Variants in CNTN5 observed in about 807,000 individuals in gnomAD.
CNTN5 encodes the protein contactin-5.
A neutral mutation model predicts 129.1 loss-of-function variants in CNTN5; 77 were observed. That is an observed-to-expected ratio of 0.60 (90% CI 0.50 to 0.72). The LOEUF is 0.72. Ranked by LOEUF, CNTN5 falls within the 30% of genes least tolerant of loss-of-function variation. The pLI, the probability that CNTN5 is intolerant of heterozygous loss-of-function variation, is 0.00. For synonymous variants in CNTN5, 509 were observed against 465.6 expected, an observed-to-expected ratio of 1.09 and a Z score of -1.20; for missense variants, 1,478 against 1,328.8, an observed-to-expected ratio of 1.11 and a Z score of -1.75.
At chr11:99,839,141 GA>G (rs1247381476) in intron 4 of CNTN5, among the ~76,000 whole-genome samples, 6 of 152,084 alleles carry the variant, frequency 3.9e-5, no homozygotes, top group Non-Finnish European at 7.4e-5. Context: ...AAGGAGGCAT[GA>G]AAAGGTTACT....
chr11:99,609,323 G>T (rs994197430), intron 3 of CNTN5, among the ~76,000 whole-genome samples: 1 of 152,102 alleles, frequency 6.6e-6, no homozygotes, highest in Non-Finnish European at 1.5e-5. Flanking sequence ...AGGATACACA[G>T]ACCCCAAAAG....
chr11:99,201,155 G>C (rs1191174177), intron 1 of CNTN5, among the ~76,000 whole-genome samples: 9 of 150,338 alleles, frequency 6.0e-5, no homozygotes, highest in Non-Finnish European at 1.2e-4. Flanking sequence ...CTCCTGAGTA[G>C]CTGGGACTAC....
intron 3 of CNTN5, among the ~76,000 whole-genome samples, chr11:99,585,005 T>G (rs1281826717): frequency 2.6e-5 from 4 of 152,210 alleles, no homozygotes; most frequent in Non-Finnish European, 5.9e-5. Flanking sequence ...GTATCCAACT[T>G]CATGAGCTAG....
At chr11:100,098,187 C>T (rs1275866303) in intron 13 of CNTN5, among the ~76,000 whole-genome samples, 2 of 151,936 alleles carry the variant, frequency 1.3e-5, no homozygotes, top group Non-Finnish European at 2.9e-5. Flanking sequence ...GACATCTCAA[C>T]ATGAATTATA....
At chr11:99,572,779 T>C (rs1949217342) in intron 3 of CNTN5, among the ~76,000 whole-genome samples, 1 of 151,882 alleles carries the variant, frequency 6.6e-6, no homozygotes, top group Non-Finnish European at 1.5e-5. Flanking sequence ...AAAAAATAGA[T>C]TATCAAATGA....
At position 99,648,493 on chromosome 11, in the gene CNTN5, A is replaced by G. The variant is rs1396165566; in HGVS notation, c.55+92224A>G. Among the ~76,000 whole-genome samples the G allele has an allele frequency of 2.0e-5, 3 of 151,918 alleles. No homozygotes were observed. In the East Asian group the frequency reaches 5.8e-4, roughly 29 times the overall value. ...AGGAATGTAAACCAGTGCAGTCACTATGGAGAACAGTATGGAGGTTCCTTA... is the reference window on the plus strand; with the variant it reads ...AGGAATGTAAACCAGTGCAGTCACTGTGGAGAACAGTATGGAGGTTCCTTA... On this transcript the variant is annotated intron_variant, in intron 3 of 24. Coordinates refer to ENST00000524871, the MANE Select transcript of CNTN5 (RefSeq NM_014361.4).
chr11:99,860,658 G>C (rs754181409), intron 6 of CNTN5, among the ~76,000 whole-genome samples: 2 of 151,998 alleles, frequency 1.3e-5, no homozygotes, highest in African/African-American at 4.8e-5. Flanking sequence ...CTGTTCCATT[G>C]GTCTGATTTT....
chr11:99,974,506 G>A (rs1052527085), intron 8 of CNTN5, among the ~76,000 whole-genome samples: 4 of 152,130 alleles, frequency 2.6e-5, no homozygotes, highest in Non-Finnish European at 4.4e-5. Flanking sequence ...GATCCTTACA[G>A]AAGTAATCAG....
chr11:99,155,249 CTT>C (rs1860275992), intron 1 of CNTN5, among the ~76,000 whole-genome samples: 1 of 152,194 alleles, frequency 6.6e-6, no homozygotes, highest in Non-Finnish European at 1.5e-5. Context: ...AATGCCTTCT[CTT>C]TGAAGATTTG....
chr11:99,352,608 T>TAAAACCC (rs1223262633), intron 2 of CNTN5, among the ~76,000 whole-genome samples: 2 of 152,192 alleles, frequency 1.3e-5, no homozygotes, highest in African/African-American at 4.8e-5. Flanking sequence ...ACTTGCCAAG[T>TAAAACCC]AAAACCCAGT....
chr11:100,158,553 A>C (rs537438358), intron 13 of CNTN5, among the ~76,000 whole-genome samples: 2 of 151,992 alleles, frequency 1.3e-5, no homozygotes, highest in East Asian at 3.9e-4. Context: ...TATCCTGACC[A>C]AGCTTTCCAT....
rs1260413972 is a variant in CNTN5, at chr11:99,750,349, T to C, written c.56-69195T>C. ...TTTGGAAAGAGAATTTCAGTGATTATAGTCTTATACCTCAACTACTAATTC... is the reference window on the plus strand; with the variant it reads ...TTTGGAAAGAGAATTTCAGTGATTACAGTCTTATACCTCAACTACTAATTC... On this transcript the variant is annotated intron_variant, in intron 3 of 24. Coordinates refer to ENST00000524871, the MANE Select transcript of CNTN5 (RefSeq NM_014361.4). Among the ~76,000 whole-genome samples the C allele has an allele frequency of 3.3e-5, 5 of 152,172 alleles. No individual in the cohort carries two copies. The East Asian group carries it at 9.6e-4, about 29-fold the overall frequency.
chr11:99,772,052 C>T (rs1272890103), intron 3 of CNTN5, among the ~76,000 whole-genome samples: 3 of 134,120 alleles, frequency 2.2e-5, no homozygotes, highest in Non-Finnish European at 4.6e-5. Flanking sequence ...GACAACTGAA[C>T]CTTAGAAACT....
chr11:99,966,717 C>T (rs561491821), intron 8 of CNTN5, among the ~76,000 whole-genome samples: 89 of 152,188 alleles, frequency 5.8e-4, no homozygotes, highest in Middle Eastern at 3.4e-3. Context: ...TGGTAGTGAG[C>T]GTAGATCATT....
intron 1 of CNTN5, among the ~76,000 whole-genome samples, chr11:99,168,254 A>AT (rs1302269185): frequency 6.6e-6 from 1 of 151,438 alleles, no homozygotes; most frequent in East Asian, 2.0e-4. Context: ...ATATGAATGT[A>AT]TTTTTGTACA....
At chr11:99,610,325 T>C (rs1473261104) in intron 3 of CNTN5, among the ~76,000 whole-genome samples, 1 of 152,162 alleles carries the variant, frequency 6.6e-6, no homozygotes, top group African/African-American at 2.4e-5. Context: ...TGATGCATCA[T>C]ATTCTATCTG....
In CNTN5 at chr11:99,994,353, T is replaced by G. The variant is rs548708148; in HGVS notation, c.878-7681T>G. The stretch of plus-strand genomic sequence containing the variant: ...GTACCTTACTTAATAAAAAGAATAC[T>G]AAAGAATTAATATAAAAGTGGGTTC... On this transcript the variant is annotated intron_variant, in intron 8 of 24. Transcript: ENST00000524871. Among the ~76,000 whole-genome samples the G allele has an allele frequency of 2.0e-5, 3 of 152,146 alleles. No homozygotes were observed. In the South Asian group the frequency reaches 6.2e-4, roughly 32 times the overall value.
chr11:99,789,007 T>C (rs1945639776), intron 3 of CNTN5, among the ~76,000 whole-genome samples: 1 of 151,804 alleles, frequency 6.6e-6, no homozygotes, highest in Admixed American at 6.6e-5. Context: ...AAAATTATAT[T>C]GTAAAAATCT....
In CNTN5 at chr11:99,797,055, A is replaced by T. The variant is rs1945967198; in HGVS notation, c.56-22489A>T. Among the ~76,000 whole-genome samples the T allele has an allele frequency of 2.0e-5, 3 of 151,856 alleles. 1 individual carries two copies. In the South Asian group the frequency reaches 6.2e-4, roughly 32 times the overall value. Reference sequence around the variant, plus strand: ...CCCCATGTCCTCCCTCTTCTGCCTGACATCTGTGTCCTGGGCCCTTGGTGG... The same window carrying T: ...CCCCATGTCCTCCCTCTTCTGCCTGTCATCTGTGTCCTGGGCCCTTGGTGG... On this transcript the variant is annotated intron_variant, in intron 3 of 24. Transcript: ENST00000524871.
Sources: allele counts gnomAD v4.1 joint callset (sites outside exome capture counted in the v4.1 genomes callset), GRCh38; gene constraint gnomAD v4.1.1; transcripts MANE v1.5; gene names NCBI Gene and HGNC (gene_info 2026-07-23, HGNC 2026-07-21).